TFEB: variants seen among roughly 807,000 people sequenced by gnomAD.
TFEB encodes the protein transcription factor EB, also known as T-cell transcription factor EB.
TFEB carries 12 observed loss-of-function variants against 48.0 expected under a neutral mutation model. That is an observed-to-expected ratio of 0.25 (90% CI 0.16 to 0.40). TFEB has a LOEUF of 0.40. Among genes scored for constraint, TFEB ranks in the 10% least tolerant of loss-of-function variants. The pLI is 1.00. For missense variants in TFEB, 509 were observed against 640.3 expected, an observed-to-expected ratio of 0.79 and a Z score of 2.21; for synonymous variants, 244 against 261.4, an observed-to-expected ratio of 0.93 and a Z score of 0.64.
At position 41,733,710 on chromosome 6, in the gene TFEB, C is replaced by T. The variant is rs887462881; in HGVS notation, c.-23+1640G>A. The T allele has an allele frequency of 7.1e-6, 7 of 985,440 alleles. No individual in the cohort carries two copies. The African/African-American group carries it at 1.0e-4, about 15-fold the overall frequency. 61.0% of individuals were successfully genotyped at this position (985,440 alleles called of 1,614,324 possible). ...CCTCAAGGCAGCTGACCCTTCCCTT[C>T]CTCTGCCTCTGCCTCTCCTGGCCGG... is the stretch of plus-strand genomic sequence containing the variant. On this transcript the variant is annotated intron_variant, in intron 1 of 8. Coordinates refer to ENST00000373033, the MANE Select transcript of TFEB (RefSeq NM_001271944.2).
chr6:41,725,071 T>A (rs1389831784), intron 1 of TFEB, among the ~76,000 whole-genome samples: 3 of 152,190 alleles, frequency 2.0e-5, no homozygotes, highest in Non-Finnish European at 2.9e-5. Flanking sequence ...ACGCTTGCTA[T>A]CCGTTTTTCA....
At chr6:41,707,206 T>C (rs750059020) in intron 1 of TFEB, among the ~76,000 whole-genome samples, 2 of 152,168 alleles carry the variant, frequency 1.3e-5, no homozygotes, top group Admixed American at 6.5e-5. Flanking sequence ...ATCCTCTCTG[T>C]TCTCCTCCCA....
Position 41,720,023 on chromosome 6 carries a change from C to CA in TFEB, c.-23+15326_-23+15327insT. 6.6e-6 allele frequency among the ~76,000 whole-genome samples: 1 copy of CA among 152,180 alleles called. No homozygotes were observed. Among genetic ancestry groups the CA allele is most frequent in the East Asian group, 1.9e-4 (1 of 5,190 alleles). On this transcript the variant is annotated intron_variant, in intron 1 of 8. Transcript: ENST00000373033. The surrounding 1 kb of genome is among the most constrained non-coding windows in gnomAD (Gnocchi z 4.1). ...AGCACAGCGCTGGCACACAGGAGTG[C>CA]CAATATATGTGACCTGTCATTAAAC... is the stretch of plus-strand genomic sequence containing the variant.
chr6:41,729,654 C>G (rs1771369523), intron 1 of TFEB, among the ~76,000 whole-genome samples: 1 of 152,230 alleles, frequency 6.6e-6, no homozygotes, highest in South Asian at 2.1e-4. Context: ...AACCAGTGCA[C>G]AGTTTTAAGC....
At chr6:41,735,318 C>T in intron 1 of TFEB, 32 bp downstream of exon 1, 1 of 984,898 alleles carries the variant, frequency 1.0e-6, no homozygotes. Context: ...CCCGGGCCCT[C>T]CTCGTGCCTC....
At chr6:41,714,111 G>A (rs2057067) in intron 1 of TFEB, among the ~76,000 whole-genome samples, 33,991 of 125,528 alleles carry the variant, frequency 0.27, 3,928 homozygotes, top group South Asian at 0.36. Flanking sequence ...GTGTGTGCAC[G>A]TGTGTGTGTG....
chr6:41,702,753 T>A (rs1479207210), intron 1 of TFEB, among the ~76,000 whole-genome samples: 1 of 152,162 alleles, frequency 6.6e-6, no homozygotes, highest in African/African-American at 2.4e-5. Flanking sequence ...GCAAGGACTC[T>A]CTCAGCCTCC....
chr6:41,705,479 G>A (rs1770164336), intron 1 of TFEB, among the ~76,000 whole-genome samples: 1 of 152,136 alleles, frequency 6.6e-6, no homozygotes, highest in Non-Finnish European at 1.5e-5. Context: ...ATACCGCAAG[G>A]CCTGTGCCCA....
intron 1 of TFEB, among the ~76,000 whole-genome samples, chr6:41,706,695 C>A (rs1045849266): frequency 6.6e-6 from 1 of 152,100 alleles, no homozygotes; most frequent in African/African-American, 2.4e-5. Flanking sequence ...GGAGACCTGA[C>A]CTGGAAGCCA....
At chr6:41,701,503 C>A (rs1373772373) in intron 1 of TFEB, among the ~76,000 whole-genome samples, 1 of 152,224 alleles carries the variant, frequency 6.6e-6, no homozygotes, top group Non-Finnish European at 1.5e-5. Context: ...CCAGTGACCC[C>A]CACACACTCA....
chr6:41,710,358 G>A (rs1340757558), intron 1 of TFEB, among the ~76,000 whole-genome samples: 1 of 152,154 alleles, frequency 6.6e-6, no homozygotes, highest in Non-Finnish European at 1.5e-5. Context: ...CAGAGAAGGT[G>A]GGTCAGGGAC....
At chr6:41,700,602 C>A (rs1306643150) in intron 1 of TFEB, among the ~76,000 whole-genome samples, 1 of 152,220 alleles carries the variant, frequency 6.6e-6, no homozygotes, top group Non-Finnish European at 1.5e-5. Flanking sequence ...ACCGCCTCTC[C>A]CAGACCCCCT....
intron 1 of TFEB, among the ~76,000 whole-genome samples, chr6:41,703,998 G>C (rs1211076435): frequency 6.6e-6 from 1 of 152,198 alleles, no homozygotes; most frequent in Non-Finnish European, 1.5e-5. Flanking sequence ...GAAAGTGCCA[G>C]AGGAGGCAGG....
At chr6:41,713,555 C>G (rs1027892286) in intron 1 of TFEB, among the ~76,000 whole-genome samples, 1 of 152,116 alleles carries the variant, frequency 6.6e-6, no homozygotes, top group Non-Finnish European at 1.5e-5. Context: ...TGTCAGGCTG[C>G]AGGGAAGGGC....
chr6:41,708,381 G>A (rs1367006923), intron 1 of TFEB, among the ~76,000 whole-genome samples: 3 of 152,206 alleles, frequency 2.0e-5, no homozygotes, highest in Non-Finnish European at 2.9e-5. Context: ...GGGCCCTCAC[G>A]ATGTCAAAAG....
At chr6:41,705,693 C>T (rs1215976073) in intron 1 of TFEB, 2 of 152,666 alleles carry the variant, frequency 1.3e-5, no homozygotes, top group African/African-American at 4.8e-5. Context: ...CACAGGGCCC[C>T]CCAGGCTCAG....
intron 1 of TFEB, among the ~76,000 whole-genome samples, chr6:41,693,623 C>T (rs894885066): frequency 1.3e-5 from 2 of 152,118 alleles, no homozygotes; most frequent in Non-Finnish European, 2.9e-5. Flanking sequence ...TGTGCCTTCC[C>T]GACAAGGTAG....
rs775220771 is a variant in TFEB, at chr6:41,691,176, C to A, written c.38G>T (p.Arg13Leu). The A allele has an allele frequency of 6.3e-7, 1 of 1,589,886 alleles. No homozygotes were observed. Among genetic ancestry groups the A allele is most frequent in the East Asian group, 2.3e-5 (1 of 43,794 alleles). Residue 13 changes from arginine (R) to leucine (L), a missense_variant, in exon 2 of 9, where the codon CGG (arginine) becomes CTG (leucine). Transcript: ENST00000373033. The surrounding 1 kb of genome is among the most constrained non-coding windows in gnomAD (Gnocchi z 5.2). Reference protein sequence around the residue: ...SRIGLRMQLMREQAQQEEQRE... With the variant: ...SRIGLRMQLMLEQAQQEEQRE... ...CTGCTCCTCCTGCTGCGCCTGCTCC[C>A]GCATGAGCTGCATGCGCAACCCTAT...
rs770274294 is a variant in TFEB, at chr6:41,686,133, C to T, written c.908G>A (p.Arg303His). 15 of 1,614,100 alleles carry T rather than the reference C, an allele frequency of 9.3e-6. No individual in the cohort carries two copies. Among genetic ancestry groups the T allele is most frequent in the Middle Eastern group, 3.3e-4 (2 of 6,084 alleles). ...CTGCTTGTTGGTCATCTCCAGGCGG[C>T]GAGAGTGGTTCTCCAGCTCCCTGGA... ...QKSRELENHSRRLEMTNKQLW... is the reference protein window; with the variant it reads ...QKSRELENHSHRLEMTNKQLW... Residue 303 changes from arginine to histidine, a missense_variant, in exon 8 of 9, where the codon CGC becomes CAC. Around this residue, in one of 4 missense-constraint regions of TFEB, gnomAD observed 62 missense variants for 90.2 expected, o/e 0.69. Transcript: ENST00000373033.
Sources: gnomAD v4.1 joint callset for allele counts (sites outside exome capture counted in the v4.1 genomes callset) on GRCh38, gnomAD v4.1.1 for gene constraint, gnomAD v4.1.1 regional missense constraint, Gnocchi (gnomAD v3.1) non-coding constraint, MANE v1.5 for transcripts, NCBI Gene and HGNC (gene_info 2026-07-23, HGNC 2026-07-21) for gene names.